Variants in TRIM59 observed in about 807,000 individuals in gnomAD.
The protein encoded by TRIM59 is tripartite motif-containing protein 59.
A neutral mutation model predicts 32.2 loss-of-function variants in TRIM59; 14 were observed. The observed-to-expected ratio is 0.43, with a 90% confidence interval of 0.29 to 0.68. The LOEUF is 0.68. Ranked by LOEUF, TRIM59 falls within the 30% of genes least tolerant of loss-of-function variation. The pLI is 0.15. For missense variants in TRIM59, 471 were observed against 463.3 expected, an observed-to-expected ratio of 1.02 and a Z score of -0.15; for synonymous variants, 163 against 155.1, an observed-to-expected ratio of 1.05 and a Z score of -0.38.
intron 2 of TRIM59, among the ~76,000 whole-genome samples, chr3:160,443,757 A>G (rs1719378563): frequency 6.6e-6 from 1 of 151,934 alleles, no homozygotes; most frequent in South Asian, 2.1e-4. Flanking sequence ...CTCCTGCCTC[A>G]GCTTCCCGAG....
chr3:160,440,509 T>C (rs954397524), intron 2 of TRIM59, among the ~76,000 whole-genome samples: 1 of 152,194 alleles, frequency 6.6e-6, no homozygotes, highest in Non-Finnish European at 1.5e-5. Context: ...TGCTTTCCTT[T>C]ATACCTACCC....
rs1719050124 is a variant in TRIM59 at position 160,437,706 on chromosome 3, A to G, written c.*266T>C. The stretch of plus-strand genomic sequence containing the variant: ...ACAAGAATGTTTAAATGTCACAGCA[A>G]CATTATGTCAACCATCATAAAGCCA... On this transcript the variant is annotated 3_prime_UTR_variant, in exon 3 of 3. Coordinates refer to ENST00000309784, the MANE Select transcript of TRIM59 (RefSeq NM_173084.3). 9.1e-7 allele frequency: 1 copy of G among 1,101,840 alleles called. No homozygotes were observed. The highest frequency in any genetic ancestry group is 1.6e-5 in the African/African-American group (1 of 61,312). The allele number at this position is 1,101,840 out of a possible 1,614,324, so 68.3% of individuals were successfully genotyped here.
At position 160,437,699 on chromosome 3, in the gene TRIM59, C is replaced by T. The variant is rs999290997; in HGVS notation, c.*273G>A. 1 of 1,084,798 alleles carries T rather than the reference C, an allele frequency of 9.2e-7. No individual in the cohort carries two copies. The highest frequency in any genetic ancestry group is 5.0e-5 in the Admixed American group (1 of 19,988). 67.2% of individuals were successfully genotyped at this position (1,084,798 alleles called of 1,614,324 possible). ...TATTGGTACAAGAATGTTTAAATGT[C>T]ACAGCAACATTATGTCAACCATCAT... On this transcript the variant is annotated 3_prime_UTR_variant, in exon 3 of 3. Coordinates refer to ENST00000309784, the MANE Select transcript of TRIM59 (RefSeq NM_173084.3).
Position 160,437,677 on chromosome 3 carries a change from T to G in TRIM59, c.*295A>C. 24 of 1,045,352 alleles carry G rather than the reference T, an allele frequency of 2.3e-5. No homozygotes were observed. The highest frequency in any genetic ancestry group is 2.6e-5 in the Non-Finnish European group (23 of 869,900). 64.8% of individuals were successfully genotyped at this position (1,045,352 alleles called of 1,614,324 possible). A position where few individuals can be genotyped will look rare whatever the true frequency, so the allele number is the denominator to read the frequency against. The stretch of plus-strand genomic sequence containing the variant: ...ATATAATAATGGTAAAAGACAATAT[T>G]GGTACAAGAATGTTTAAATGTCACA... On this transcript the variant is annotated 3_prime_UTR_variant, in exon 3 of 3. Transcript: ENST00000309784.
At position 160,438,538 on chromosome 3, in the gene TRIM59, G is replaced by T; in HGVS notation, c.646C>A (p.Gln216Lys). 6.2e-7 allele frequency: 1 copy of T among 1,610,936 alleles called. No homozygotes were observed. The highest frequency in any genetic ancestry group is 8.5e-7 in the Non-Finnish European group (1 of 1,179,322). Residue 216 changes from glutamine (Q) to lysine (K), a missense_variant, in exon 3 of 3, where the codon CAA becomes AAA. Coordinates refer to ENST00000309784, the MANE Select transcript of TRIM59 (RefSeq NM_173084.3). ...CTTTCAATTTGTGGAGTATATTCTT[G>T]ATTAATTAGATTGCCAACATCACAG... is the stretch of plus-strand genomic sequence containing the variant. Reference protein sequence around the residue: ...ALCDVGNLINQEYTPQIERMK... With the variant: ...ALCDVGNLINKEYTPQIERMK...
intron 2 of TRIM59, among the ~76,000 whole-genome samples, chr3:160,445,883 G>T (rs1465752792): frequency 6.6e-6 from 1 of 151,936 alleles, no homozygotes; most frequent in Non-Finnish European, 1.5e-5. Context: ...GTGTGACCAT[G>T]GCTCACTGCA....
Position 160,437,572 on chromosome 3 carries a change from AG to A in TRIM59, c.*399del. 1.0e-6 allele frequency: 1 copy of A among 986,998 alleles called. No individual in the cohort carries two copies. Among genetic ancestry groups the A allele is most frequent in the Non-Finnish European group, 1.2e-6 (1 of 831,128 alleles). The allele number at this position is 986,998 out of a possible 1,614,324, so 61.1% of individuals were successfully genotyped here. ...CTTATTCACCCATTCAAAAGCTTCAAGCCACATCAAAATAAAGGTATATGTT... is the reference window on the plus strand; with the variant it reads ...CTTATTCACCCATTCAAAAGCTTCAACCACATCAAAATAAAGGTATATGTT... On this transcript the variant is annotated 3_prime_UTR_variant, in exon 3 of 3. Transcript: ENST00000309784.
At chr3:160,449,123 A>G (rs1363849917) in intron 1 of TRIM59, among the ~76,000 whole-genome samples, 1 of 152,252 alleles carries the variant, frequency 6.6e-6, no homozygotes, top group Non-Finnish European at 1.5e-5. Flanking sequence ...TAACTGCAAG[A>G]CAAAAGCATC....
intron 2 of TRIM59, among the ~76,000 whole-genome samples, 158 bp from the exon 3 acceptor site, chr3:160,439,344 A>G (rs567081780): frequency 2.0e-5 from 3 of 152,346 alleles, no homozygotes; most frequent in South Asian, 4.1e-4. Flanking sequence ...TTCATTTCCT[A>G]GTATATATAG....
intron 2 of TRIM59, among the ~76,000 whole-genome samples, chr3:160,444,293 G>A (rs1719409548): frequency 1.3e-5 from 2 of 152,126 alleles, no homozygotes; most frequent in Non-Finnish European, 2.9e-5. Context: ...GCAGATAAAA[G>A]TGATGGCTTC....
Position 160,435,868 on chromosome 3 carries a change from A to G in TRIM59, c.*2104T>C, listed in dbSNP as rs1449692996. 6 of 1,033,354 alleles carry G rather than the reference A, an allele frequency of 5.8e-6. No homozygotes were observed. In the South Asian group the frequency reaches 7.9e-5, roughly 14 times the overall value. 64.0% of individuals were successfully genotyped at this position (1,033,354 alleles called of 1,614,324 possible). ...TTTTCTCACAGCTATATGGCCTTGG[A>G]CAAGTCACTTGTCAGTTCCCTCATC... is the stretch of plus-strand genomic sequence containing the variant. On this transcript the variant is annotated 3_prime_UTR_variant, in exon 3 of 3. Coordinates refer to ENST00000309784, the MANE Select transcript of TRIM59 (RefSeq NM_173084.3).
At position 160,439,069 on chromosome 3, in the gene TRIM59, G is replaced by C; in HGVS notation, c.115C>G (p.Gln39Glu). 4 of 1,565,594 alleles carry C rather than the reference G, an allele frequency of 2.6e-6. No homozygotes were observed. Among genetic ancestry groups the C allele is most frequent in the East Asian group, 2.2e-5 (1 of 44,490 alleles). The change falls in exon 3 of 3, where the codon CAG becomes GAG. Residue 39 changes from glutamine (Q) to glutamate (E), a missense_variant. Transcript: ENST00000309784. ...FCRNCLENIL[Q>E]ASGNFYIWRP... ...CATATATAAAAGTTACCAGATGCCT[G>C]AAGAATGTTTTCCAAACAATTTCTA... is the stretch of plus-strand genomic sequence containing the variant.
At position 160,436,345 on chromosome 3, in the gene TRIM59, G is replaced by A. The variant is rs1718944390; in HGVS notation, c.*1627C>T. On this transcript the variant is annotated 3_prime_UTR_variant, in exon 3 of 3. Transcript: ENST00000309784. Reference sequence around the variant, plus strand: ...GGTAAGGCTCTTCGGTGATCCAAGAGCAGCCCCTTTGGGATTTCTGGAAAG... The same window carrying A: ...GGTAAGGCTCTTCGGTGATCCAAGAACAGCCCCTTTGGGATTTCTGGAAAG... 2 of 986,076 alleles carry A rather than the reference G, an allele frequency of 2.0e-6. No individual in the cohort carries two copies. The allele number at this position is 986,076 out of a possible 1,614,324, so 61.1% of individuals were successfully genotyped here.
intron 2 of TRIM59, among the ~76,000 whole-genome samples, chr3:160,441,767 AAAAAAG>A (rs1365766767): frequency 3.2e-4 from 49 of 151,342 alleles, no homozygotes; most frequent in African/African-American, 1.2e-3. Context: ...AAAAAAAAAA[AAAAAAG>A]AAAAAAGAAA....
Position 160,435,907 on chromosome 3 carries a change from T to C in TRIM59, c.*2065A>G. On this transcript the variant is annotated 3_prime_UTR_variant, in exon 3 of 3. Coordinates refer to ENST00000309784, the MANE Select transcript of TRIM59 (RefSeq NM_173084.3). ...AGTTCCCTCATCTACAAAAAGGGGG[T>C]TAAAAATATTCACATCACAGAAATG... The C allele has an allele frequency of 1.6e-6, 2 of 1,270,188 alleles. No individual in the cohort carries two copies. The highest frequency in any genetic ancestry group is 2.1e-6 in the Non-Finnish European group (2 of 972,046). 78.7% of individuals were successfully genotyped at this position (1,270,188 alleles called of 1,614,324 possible).
chr3:160,443,158 C>T (rs1719342642), intron 2 of TRIM59, among the ~76,000 whole-genome samples: 1 of 152,110 alleles, frequency 6.6e-6, no homozygotes, highest in African/African-American at 2.4e-5. Flanking sequence ...ACCATGCTTA[C>T]AGGCTAGTTC....
At chr3:160,445,666 C>T (rs1245670380) in intron 2 of TRIM59, among the ~76,000 whole-genome samples, 1 of 150,694 alleles carries the variant, frequency 6.6e-6, no homozygotes, top group South Asian at 2.1e-4. Context: ...CCCAGCTACT[C>T]GGGAGGCTGA....
At position 160,438,111 on chromosome 3, in the gene TRIM59, T is replaced by A. The variant is rs1719067880; in HGVS notation, c.1073A>T (p.Glu358Val). ...TTCAGAAAACCATATTAAAGTGATT[T>A]CACTTAAAAAGGTTATGATGTGTTG... is the stretch of plus-strand genomic sequence containing the variant. ...FNQHIITFLS[E>V]ITLIWFSEAS... The change falls in exon 3 of 3, where the codon GAA (glutamate) becomes GTA (valine). Residue 358 changes from glutamate (E) to valine (V), a missense_variant. Transcript: ENST00000309784. The A allele has an allele frequency of 2.5e-6, 4 of 1,612,368 alleles. No homozygotes were observed.
Position 160,438,633 on chromosome 3 carries a change from G to A in TRIM59, c.551C>T (p.Ala184Val). 1.2e-6 allele frequency: 2 copies of A among 1,612,460 alleles called. No homozygotes were observed. The highest frequency in any genetic ancestry group is 1.7e-5 in the Admixed American group (1 of 59,716). The change falls in exon 3 of 3, where the codon GCT becomes GTT. Residue 184 changes from alanine (A) to valine (V), a missense_variant. By Grantham distance (64) the Ala-to-Val change is moderately conservative. Transcript: ENST00000309784. ...AAGCTCCTTAAAATACTGGAGAACA[G>A]CTTCCTTATCGCCTTGGATCATTTT... ...SEKMIQGDKE[A>V]VLQYFKELND...
Sources: gnomAD v4.1 joint callset for allele counts (sites outside exome capture counted in the v4.1 genomes callset) on GRCh38, gnomAD v4.1.1 for gene constraint, MANE v1.5 for transcripts, NCBI Gene and HGNC (gene_info 2026-07-23, HGNC 2026-07-21) for gene names.